The following POLR3E variants were observed in gnomAD, a reference collection of about 807,000 sequenced individuals.
POLR3E encodes the protein RNA polymerase III subunit E, also known as DNA-directed RNA polymerase III subunit RPC5.
Under a neutral mutation model 96.6 loss-of-function variants are expected in POLR3E, and 41 were observed. The ratio of observed to expected loss-of-function variants is 0.42; its 90% CI spans 0.33 to 0.55. POLR3E has a LOEUF of 0.55. Ranked by LOEUF, POLR3E falls within the 20% of genes least tolerant of loss-of-function variation. The probability of loss-of-function intolerance (pLI) is 0.06; values close to 1 mark genes in which losing one functional copy is unlikely to be tolerated. For synonymous variants in POLR3E, 396 were observed against 383.6 expected (o/e 1.03, Z -0.38); for missense variants, 849 against 952.1 (o/e 0.89, Z 1.43).
Position 22,316,984 on chromosome 16 carries a change from T to C in POLR3E, c.729-11T>C. 3 of 1,613,950 alleles carry C rather than the reference T, an allele frequency of 1.9e-6. No individual in the cohort carries two copies. The highest frequency in any genetic ancestry group is 1.6e-4 in the Middle Eastern group (1 of 6,062). ...CAGCCCTGAGCCTCTGCCCCTGCCATGTCCCTGCAGTGAGTACCTGATGAT... is the reference window on the plus strand; with the variant it reads ...CAGCCCTGAGCCTCTGCCCCTGCCACGTCCCTGCAGTGAGTACCTGATGAT... On this transcript the variant is annotated splice_polypyrimidine_tract_variant and intron_variant, in intron 10 of 20. Transcript: ENST00000299853.
chr16:22,305,257 G>C, intron 3 of POLR3E, 51 bp downstream of exon 3: 1 of 1,340,164 alleles, frequency 7.5e-7, no homozygotes. Flanking sequence ...GTGGGTGGGT[G>C]GTGTGGACTC....
intron 13 of POLR3E, among the ~76,000 whole-genome samples, chr16:22,320,124 TTAGAATATTTTATATCTATCC>T (rs2048439293): frequency 6.6e-6 from 1 of 152,208 alleles, no homozygotes; most frequent in South Asian, 2.1e-4. Context: ...TTCAGAGATC[TTAGAATATTTTATATCTATCC>T]TCATACTTAC....
intron 1 of POLR3E, among the ~76,000 whole-genome samples, chr16:22,299,530 C>T (rs2047977632): frequency 6.6e-6 from 1 of 151,082 alleles, no homozygotes; most frequent in Admixed American, 6.6e-5. Flanking sequence ...TCTTCTGCCT[C>T]AGCCTCCCGA....
At chr16:22,303,730 T>G (rs1467197850) in intron 2 of POLR3E, among the ~76,000 whole-genome samples, 1 of 143,882 alleles carries the variant, frequency 7.0e-6, no homozygotes, top group African/African-American at 2.6e-5. Context: ...AACCTTCACC[T>G]CCCAGGTTCA....
chr16:22,301,099 A>C (rs2048010535), intron 1 of POLR3E, among the ~76,000 whole-genome samples: 2 of 145,154 alleles, frequency 1.4e-5, no homozygotes, highest in African/African-American at 5.0e-5. Context: ...GGTCTTAGCC[A>C]CAAGGTGACA....
Position 22,313,838 on chromosome 16 carries a change from C to G in POLR3E, c.472+111C>G. The G allele has an allele frequency of 1.3e-6, 1 of 772,946 alleles. No individual in the cohort carries two copies. 47.9% of individuals were successfully genotyped at this position (772,946 alleles called of 1,614,324 possible). ...GGATGTTTAGCAGGATCCCTGGCCT[C>G]TACCTACTAGATGCCAGAAGCACCC... On this transcript the variant is annotated intron_variant, in intron 7 of 20. Transcript: ENST00000299853. This position sits in a 1 kb window ranked among gnomAD's most constrained non-coding sequence, Gnocchi z 4.1.
chr16:22,326,430 A>T (rs1290711476), intron 18 of POLR3E, 152 bp downstream of exon 18: 4 of 689,638 alleles, frequency 5.8e-6, no homozygotes, highest in Admixed American at 2.1e-5. Context: ...AGCCTCTCTG[A>T]GGCTCTATTC....
chr16:22,324,088 C>CTCCCGG (rs58207252), intron 14 of POLR3E, among the ~76,000 whole-genome samples: 1 of 117,874 alleles, frequency 8.5e-6, no homozygotes, highest in African/African-American at 5.3e-5. Flanking sequence ...GGCAGGGCAT[C>CTCCCGG]CCCAGGGAGC....
chr16:22,324,251 A>G lies in POLR3E; in HGVS notation c.1069-103A>G, dbSNP rs1185009781. 12 of 882,590 alleles carry G rather than the reference A, an allele frequency of 1.4e-5. No homozygotes were observed. In the Admixed American group the frequency reaches 2.2e-4, roughly 16 times the overall value. The allele number at this position is 882,590 out of a possible 1,614,324, so 54.7% of individuals were successfully genotyped here. ...GAAGAATCAAGGCCAGGAGCCTAGGACTGTCCCAGGCTCCAGCTCCCAGGC... is the reference window on the plus strand; with the variant it reads ...GAAGAATCAAGGCCAGGAGCCTAGGGCTGTCCCAGGCTCCAGCTCCCAGGC... On this transcript the variant is annotated intron_variant, in intron 14 of 20. Coordinates refer to ENST00000299853, the MANE Select transcript of POLR3E (RefSeq NM_018119.4).
chr16:22,309,831 C>T (rs2048209332), intron 6 of POLR3E: 2 of 369,040 alleles, frequency 5.4e-6, no homozygotes, highest in Non-Finnish European at 5.1e-6. Flanking sequence ...AAGCTTATGA[C>T]AGAGCAATTC....
At chr16:22,317,232 G>A (rs752998522) in intron 12 of POLR3E, 26 bp downstream of exon 12, 29 of 1,563,330 alleles carry the variant, frequency 1.9e-5, no homozygotes, top group Non-Finnish European at 2.3e-5. Context: ...CTGCCCACCC[G>A]GGGGCCCCAG....
intron 13 of POLR3E, among the ~76,000 whole-genome samples, chr16:22,320,565 G>A (rs2048452492): frequency 6.6e-6 from 1 of 152,122 alleles, no homozygotes; most frequent in African/African-American, 2.4e-5. Flanking sequence ...CCGGCCTGGT[G>A]TATTTTAATT....
At chr16:22,331,965 A>G in intron 19 of POLR3E, 95 bp from the exon 20 acceptor site, 2 of 1,316,692 alleles carry the variant, frequency 1.5e-6, no homozygotes, top group African/African-American at 1.5e-5. Flanking sequence ...AGAGACTGCA[A>G]CACAAAGTCA....
At position 22,324,375 on chromosome 16, in the gene POLR3E, C is replaced by T. The variant is rs147928355; in HGVS notation, c.1090C>T (p.Arg364Cys). ...TCAGATGTGGAAGTTCACGCAGAGC[C>T]GCTGGGTGGTTAGGAAAGAGGTGGC... ...DFVMWKFTQS[R>C]WVVRKEVATV... Residue 364 changes from arginine (R) to cysteine (C), a missense_variant, in exon 15 of 21, where the codon CGC becomes TGC. Transcript: ENST00000299853. 35 of 1,612,700 alleles carry T rather than the reference C, an allele frequency of 2.2e-5. No individual in the cohort carries two copies. Among genetic ancestry groups the T allele is most frequent in the Non-Finnish European group, 2.7e-5 (32 of 1,179,650 alleles).
intron 3 of POLR3E, among the ~76,000 whole-genome samples, chr16:22,307,359 C>G (rs1232160263): frequency 6.6e-6 from 1 of 152,172 alleles, no homozygotes; most frequent in Admixed American, 6.5e-5. Context: ...ATGACCGTCT[C>G]CTTGCGCTAG....
At chr16:22,312,873 C>CAA (rs1167609047) in intron 6 of POLR3E, among the ~76,000 whole-genome samples, 867 of 29,790 alleles carry the variant, frequency 0.029, 50 homozygotes, top group African/African-American at 0.068. Context: ...CACTCCATCT[C>CAA]AAAAAAAAAA....
rs1357143785 is a variant in POLR3E, at chr16:22,324,365, C to A, written c.1080C>A (p.Phe360Leu). ...TTCTTCTCCCTCAGATGTGGAAGTT[C>A]ACGCAGAGCCGCTGGGTGGTTAGGA... ...CRGRDFVMWK[F>L]TQSRWVVRKE... Residue 360 changes from phenylalanine to leucine, a missense_variant, in exon 15 of 21, where the codon TTC (phenylalanine) becomes TTA (leucine). Coordinates refer to ENST00000299853, the MANE Select transcript of POLR3E (RefSeq NM_018119.4). The A allele has an allele frequency of 1.9e-5, 30 of 1,612,680 alleles. No homozygotes were observed. Among genetic ancestry groups the A allele is most frequent in the Non-Finnish European group, 2.5e-5 (30 of 1,179,658 alleles).
rs575049078 is a variant in POLR3E at position 22,302,852 on chromosome 16, G to A, written c.-38-79G>A. On this transcript the variant is annotated intron_variant, in intron 1 of 20. Coordinates refer to ENST00000299853, the MANE Select transcript of POLR3E (RefSeq NM_018119.4). ...TTGGTTGTGGGCTCCCCCTCCCAGT[G>A]CAGGGCCTGTTGCAGAATAGGCACA... The A allele has an allele frequency of 3.8e-5, 36 of 956,456 alleles. 1 individual carries two copies. In the South Asian group the frequency reaches 4.6e-4, roughly 12 times the overall value. The allele number at this position is 956,456 out of a possible 1,614,324, so 59.2% of individuals were successfully genotyped here.
intron 16 of POLR3E, 58 bp downstream of exon 16, chr16:22,324,718 G>A (rs2048542652): frequency 6.4e-7 from 1 of 1,563,532 alleles, no homozygotes; most frequent in African/African-American, 1.3e-5. Context: ...CTGCATCCTG[G>A]GGAGCACTGT....
Sources: allele counts gnomAD v4.1 joint callset (sites outside exome capture counted in the v4.1 genomes callset), GRCh38; gene constraint gnomAD v4.1.1; non-coding constraint Gnocchi (gnomAD v3.1); transcripts MANE v1.5; gene names NCBI Gene and HGNC (gene_info 2026-07-23, HGNC 2026-07-21).